Variants in DNER observed in about 807,000 individuals in gnomAD.
The protein encoded by DNER is delta and Notch-like epidermal growth factor-related receptor.
A neutral mutation model predicts 78.2 loss-of-function variants in DNER; 33 were observed. The observed-to-expected ratio is 0.42, with a 90% CI of 0.32 to 0.56. The LOEUF is 0.56. Among genes scored for constraint, DNER ranks in the 20% least tolerant of loss-of-function variants. The pLI is 0.11. For synonymous variants in DNER, 417 were observed against 384.8 expected (o/e 1.08, Z -0.98); for missense variants, 918 against 975.3 (o/e 0.94, Z 0.78).
chr2:229,613,379 A>G (rs1432133915), intron 1 of DNER, among the ~76,000 whole-genome samples: 2 of 152,256 alleles, frequency 1.3e-5, no homozygotes, highest in African/African-American at 2.4e-5. Context: ...AGCAAATTTA[A>G]TTTATGAACA....
chr2:229,633,259 GC>G (rs1358428844), intron 1 of DNER, among the ~76,000 whole-genome samples: 2 of 152,110 alleles, frequency 1.3e-5, no homozygotes, highest in Non-Finnish European at 2.9e-5. Flanking sequence ...AAAAACAGAA[GC>G]CCCCTCTAAA....
At chr2:229,610,556 G>A (rs903777157) in intron 1 of DNER, among the ~76,000 whole-genome samples, 1 of 152,182 alleles carries the variant, frequency 6.6e-6, no homozygotes, top group African/African-American at 2.4e-5. Flanking sequence ...CTCAACCGCC[G>A]ACAGTGTACT....
At chr2:229,656,222 GA>G (rs1202522565) in intron 1 of DNER, among the ~76,000 whole-genome samples, 1 of 152,178 alleles carries the variant, frequency 6.6e-6, no homozygotes, top group Non-Finnish European at 1.5e-5. Context: ...AGTCTCATGG[GA>G]AACAGGTATC....
chr2:229,414,027 C>T (rs1693590710), intron 9 of DNER, among the ~76,000 whole-genome samples: 2 of 151,768 alleles, frequency 1.3e-5, no homozygotes, highest in Admixed American at 6.6e-5. Flanking sequence ...ATGTCCATCC[C>T]CCCACGGAGA....
intron 1 of DNER, among the ~76,000 whole-genome samples, chr2:229,644,127 C>G (rs1698672424): frequency 6.6e-6 from 1 of 152,112 alleles, no homozygotes; most frequent in African/African-American, 2.4e-5. Context: ...TCATGGATCA[C>G]TACACTTTTA....
chr2:229,358,855 T>G (rs1333284931), intron 12 of DNER, among the ~76,000 whole-genome samples: 1 of 152,222 alleles, frequency 6.6e-6, no homozygotes, highest in African/African-American at 2.4e-5. Context: ...CAAAAAAACA[T>G]ATTTCACAAA....
chr2:229,618,985 C>A (rs373549001), intron 1 of DNER, among the ~76,000 whole-genome samples: 3 of 152,142 alleles, frequency 2.0e-5, no homozygotes, highest in African/African-American at 4.8e-5. Flanking sequence ...TCCTGCTGCC[C>A]ATCTCTACAA....
chr2:229,695,779 C>A (rs1361386006), intron 1 of DNER, among the ~76,000 whole-genome samples: 1 of 152,144 alleles, frequency 6.6e-6, no homozygotes, highest in Non-Finnish European at 1.5e-5. Context: ...GTAGGGCAGG[C>A]CTGGAAGACC....
chr2:229,638,582 A>G (rs144725732), intron 1 of DNER, among the ~76,000 whole-genome samples: 81 of 152,326 alleles, frequency 5.3e-4, no homozygotes, highest in African/African-American at 1.8e-3. Flanking sequence ...GTGGAAGGGC[A>G]GAAAGAGAGA....
intron 5 of DNER, among the ~76,000 whole-genome samples, chr2:229,542,004 A>AATATATAT (rs1459314442): frequency 2.7e-5 from 4 of 147,360 alleles, no homozygotes; most frequent in East Asian, 3.9e-4. Flanking sequence ...ATTAATATAT[A>AATATATAT]ATATATATAA....
intron 9 of DNER, among the ~76,000 whole-genome samples, chr2:229,411,732 G>T (rs1204517958): frequency 6.6e-6 from 1 of 152,146 alleles, no homozygotes; most frequent in African/African-American, 2.4e-5. Flanking sequence ...CAATGGATAA[G>T]TATTCTCTCA....
chr2:229,652,068 T>G (rs898892850), intron 1 of DNER, among the ~76,000 whole-genome samples: 5 of 152,014 alleles, frequency 3.3e-5, no homozygotes, highest in Non-Finnish European at 1.5e-5. Flanking sequence ...AAAACTGTAC[T>G]CAAAGCAGAT....
chr2:229,608,436 A>T (rs987851234), intron 1 of DNER, among the ~76,000 whole-genome samples: 5 of 152,366 alleles, frequency 3.3e-5, no homozygotes, highest in Admixed American at 2.6e-4. Context: ...AGATGAAAAT[A>T]TAGGACAATA....
At chr2:229,528,868 G>C (rs1370384073) in intron 5 of DNER, among the ~76,000 whole-genome samples, 1 of 152,198 alleles carries the variant, frequency 6.6e-6, no homozygotes, top group Non-Finnish European at 1.5e-5. Context: ...TAGAGCCTCT[G>C]TTCCCATTGG....
At chr2:229,369,528 C>T (rs1692433234) in intron 11 of DNER, among the ~76,000 whole-genome samples, 1 of 151,796 alleles carries the variant, frequency 6.6e-6, no homozygotes, top group Non-Finnish European at 1.5e-5. Flanking sequence ...AGAGTCCACT[C>T]CTGGACATGT....
chr2:229,437,347 A>G (rs1049357829), intron 8 of DNER, among the ~76,000 whole-genome samples: 1 of 152,232 alleles, frequency 6.6e-6, no homozygotes, highest in Non-Finnish European at 1.5e-5. Context: ...CTGTTCTGTA[A>G]AAGCATTCAG....
chr2:229,705,269 A>G (rs1314294513), intron 1 of DNER, among the ~76,000 whole-genome samples: 2 of 152,220 alleles, frequency 1.3e-5, no homozygotes, highest in Non-Finnish European at 2.9e-5. Context: ...TATATTAACT[A>G]CAAGGACCAG....
chr2:229,414,292 C>CCATT (rs751945176), intron 9 of DNER, among the ~76,000 whole-genome samples: 7 of 152,052 alleles, frequency 4.6e-5, no homozygotes, highest in Non-Finnish European at 1.0e-4. Flanking sequence ...CTTTATCTGC[C>CCATT]CATTGGATTT....
chr2:229,591,516 C>G lies in DNER; in HGVS notation c.585+64G>C. 3 of 1,518,854 alleles carry G rather than the reference C, an allele frequency of 2.0e-6. No individual in the cohort carries two copies. Among genetic ancestry groups the G allele is most frequent in the Non-Finnish European group, 2.7e-6 (3 of 1,131,128 alleles). The allele number at this position is 1,518,854 out of a possible 1,614,324, so 94.1% of individuals were successfully genotyped here. ...CATTTTTAATTGCTGATACTAGAACCGCTGGAGTCACTTTAAGATTTCTGG... is the reference window on the plus strand; with the variant it reads ...CATTTTTAATTGCTGATACTAGAACGGCTGGAGTCACTTTAAGATTTCTGG... On this transcript the variant is annotated intron_variant, in intron 2 of 12. Coordinates refer to ENST00000341772, the MANE Select transcript of DNER (RefSeq NM_139072.4). This position sits in a 1 kb window ranked among gnomAD's most constrained non-coding sequence, Gnocchi z 4.6.
Sources: gnomAD v4.1 joint callset for allele counts (sites outside exome capture counted in the v4.1 genomes callset) on GRCh38, gnomAD v4.1.1 for gene constraint, Gnocchi (gnomAD v3.1) non-coding constraint, MANE v1.5 for transcripts, NCBI Gene and HGNC (gene_info 2026-07-23, HGNC 2026-07-21) for gene names.